The following HM13 variants were observed in gnomAD, a reference collection of about 807,000 sequenced individuals.
HM13 encodes the protein signal peptide peptidase.
A neutral mutation model predicts 50.0 loss-of-function variants in HM13; 18 were observed. That is an observed-to-expected ratio of 0.36 (90% CI 0.25 to 0.53). HM13 has a LOEUF of 0.53. HM13 is among the 20% of genes least tolerant of loss of function. The pLI, the probability that HM13 is intolerant of heterozygous loss-of-function variation, is 0.90. For synonymous variants in HM13, 197 were observed against 232.6 expected, an observed-to-expected ratio of 0.85 and a Z score of 1.39; for missense variants, 393 against 552.4, an observed-to-expected ratio of 0.71 and a Z score of 2.89.
In HM13 at chr20:31,569,164, C is replaced by A; in HGVS notation, c.1226C>A (p.Ser409Tyr). The change falls in exon 13 of 13, where the codon TCC becomes TAC. Residue 409 changes from serine to tyrosine, a missense_variant. Coordinates refer to ENST00000398174, the MANE Select transcript of HM13 (RefSeq NM_178581.3). ...AAGGATCCAGCGGCAGTGACAGAAT[C>A]CAAAGAGGGAACAGAGGCATCAGCA... is the stretch of plus-strand genomic sequence containing the variant. ...NPKDPAAVTE[S>Y]KEGTEASASK... The A allele has an allele frequency of 1.3e-6, 2 of 1,584,802 alleles. No homozygotes were observed. Among genetic ancestry groups the A allele is most frequent in the South Asian group, 1.1e-5 (1 of 89,240 alleles).
At chr20:31,518,595 G>A (rs1036658117) in intron 1 of HM13, among the ~76,000 whole-genome samples, 6 of 151,646 alleles carry the variant, frequency 4.0e-5, no homozygotes, top group Non-Finnish European at 5.9e-5. Flanking sequence ...GCAATGAGCC[G>A]AGATCATGCC....
chr20:31,515,962 C>T (rs1014666601), intron 1 of HM13, among the ~76,000 whole-genome samples: 3 of 152,178 alleles, frequency 2.0e-5, no homozygotes, highest in Admixed American at 6.6e-5. Context: ...CAAAACACTA[C>T]CCAACTTGAG....
At chr20:31,552,496 T>C (rs1344430429) in intron 7 of HM13, among the ~76,000 whole-genome samples, 1 of 152,154 alleles carries the variant, frequency 6.6e-6, no homozygotes, top group Admixed American at 6.5e-5. Context: ...TCATATTTGG[T>C]TTCTGATACT....
Position 31,566,306 on chromosome 20 carries a change from G to C in HM13, c.1034+11G>C, listed in dbSNP as rs367928197. 1 of 1,610,246 alleles carries C rather than the reference G, an allele frequency of 6.2e-7. No homozygotes were observed. The highest frequency in any genetic ancestry group is 1.3e-5 in the African/African-American group (1 of 74,836). ...GACAGAGATGTTCAGGTAAGGCAGA[G>C]TGGGGGGCAGATGTCCTCATGGGCA... On this transcript the variant is annotated intron_variant, in intron 11 of 12. Transcript: ENST00000398174.
intron 2 of HM13, among the ~76,000 whole-genome samples, chr20:31,535,912 G>T (rs575734938): frequency 2.8e-4 from 43 of 152,284 alleles, no homozygotes; most frequent in Middle Eastern, 3.4e-3. Flanking sequence ...AACCAGCTCA[G>T]GGTGAACCTA....
intron 4 of HM13, chr20:31,548,170 C>G: frequency 1.3e-6 from 1 of 744,458 alleles, no homozygotes; most frequent in South Asian, 1.6e-5. Flanking sequence ...ATAAGTTTAA[C>G]AGATACTTTA....
In HM13 at chr20:31,558,912, GTTGTT is replaced by G. The variant is rs1027711943; in HGVS notation, c.809-681_809-677del. Among the ~76,000 whole-genome samples the G allele has an allele frequency of 4.9e-4, 74 of 151,768 alleles. 1 individual carries two copies. Among genetic ancestry groups the G allele is most frequent in the African/African-American group, 1.5e-3 (63 of 41,378 alleles). ...CTAATTTTTGCTTTTGTTTTTTGTT[GTTGTT>G]TTGTTTTGTTTTGTTTTTTTGAGAC... On this transcript the variant is annotated intron_variant, in intron 8 of 12. Coordinates refer to ENST00000398174, the MANE Select transcript of HM13 (RefSeq NM_178581.3).
At chr20:31,556,476 C>A (rs1984321259) in intron 8 of HM13, among the ~76,000 whole-genome samples, 1 of 152,158 alleles carries the variant, frequency 6.6e-6, no homozygotes, top group African/African-American at 2.4e-5. Flanking sequence ...GTGACAGTTG[C>A]ATTTTGTGAC....
At chr20:31,536,438 C>A (rs953224103) in intron 2 of HM13, among the ~76,000 whole-genome samples, 2 of 152,098 alleles carry the variant, frequency 1.3e-5, no homozygotes, top group African/African-American at 4.8e-5. Context: ...TCCATCCCCC[C>A]AAGCCAGGGC....
At chr20:31,525,434 C>T (rs1982429204) in intron 1 of HM13, among the ~76,000 whole-genome samples, 1 of 152,082 alleles carries the variant, frequency 6.6e-6, no homozygotes, top group African/African-American at 2.4e-5. Flanking sequence ...GAATGTGATC[C>T]CTTCTTCTAG....
rs754117683 is a variant in HM13 at position 31,527,570 on chromosome 20, C to A, written c.270C>A (p.Tyr90Ter). ...CCAGCTGCACACTCTTGGGGCTCTA[C>A]CTCTTTTTCAAAGTAAGTCTTTTGC... ...IIASCTLLGL[Y>*]LFFKIFSQEY... Residue 90 changes from tyrosine to a stop codon, truncating the protein, a stop_gained, in exon 2 of 13, where the codon TAC becomes TAA. Transcript: ENST00000398174. LOFTEE classifies it high-confidence loss of function. The A allele has an allele frequency of 6.2e-7, 1 of 1,611,516 alleles. No individual in the cohort carries two copies. The highest frequency in any genetic ancestry group is 1.1e-5 in the South Asian group (1 of 90,756).
intron 9 of HM13, among the ~76,000 whole-genome samples, chr20:31,561,092 A>G (rs1984580964): frequency 6.6e-6 from 1 of 152,248 alleles, no homozygotes. Flanking sequence ...GCATCTAGTT[A>G]GTACCACAAA....
chr20:31,514,815 C>T lies in HM13; in HGVS notation c.183+81C>T, dbSNP rs1449274991. 1.2e-5 allele frequency: 15 copies of T among 1,270,908 alleles called. No individual in the cohort carries two copies. Among genetic ancestry groups the T allele is most frequent in the South Asian group, 1.5e-5 (1 of 66,908 alleles). 78.7% of individuals were successfully genotyped at this position (1,270,908 alleles called of 1,614,324 possible). A position where few individuals can be genotyped will look rare whatever the true frequency, so the allele number is the denominator to read the frequency against. Reference sequence around the variant, plus strand: ...ATGGACCCTTCCTAGGCGGGACAGACACCTCTCCCCGGACACTGACTCTTC... The same window carrying T: ...ATGGACCCTTCCTAGGCGGGACAGATACCTCTCCCCGGACACTGACTCTTC... On this transcript the variant is annotated intron_variant, in intron 1 of 12. Coordinates refer to ENST00000398174, the MANE Select transcript of HM13 (RefSeq NM_178581.3). The surrounding 1 kb of genome is among the most constrained non-coding windows in gnomAD (Gnocchi z 4.3).
At chr20:31,544,818 G>A in intron 3 of HM13, 129 bp from the exon 4 acceptor site, 1 of 721,302 alleles carries the variant, frequency 1.4e-6, no homozygotes, top group Admixed American at 2.0e-5. Context: ...CACATCTGTA[G>A]AGTGGGAACA....
At chr20:31,530,121 C>G (rs1193702369) in intron 2 of HM13, among the ~76,000 whole-genome samples, 1 of 152,090 alleles carries the variant, frequency 6.6e-6, no homozygotes, top group African/African-American at 2.4e-5. Flanking sequence ...GAGACCCCAT[C>G]TCATTCATAG....
chr20:31,524,147 G>A (rs563417643), intron 1 of HM13, among the ~76,000 whole-genome samples: 7 of 152,276 alleles, frequency 4.6e-5, no homozygotes, highest in Non-Finnish European at 8.8e-5. Context: ...GGCCAAGGCA[G>A]GAGGATCACT....
chr20:31,569,504 G>T lies in HM13; in HGVS notation c.*285G>T. The T allele has an allele frequency of 3.4e-6, 1 of 294,420 alleles. No homozygotes were observed. Among genetic ancestry groups the T allele is most frequent in the Admixed American group, 4.6e-5 (1 of 21,898 alleles). 18.2% of individuals were successfully genotyped at this position (294,420 alleles called of 1,614,324 possible). ...TGTGATTTTTAGATTTTGTATTGTGGACTGATTTTGCCTCACATTAAAAAC... is the reference window on the plus strand; with the variant it reads ...TGTGATTTTTAGATTTTGTATTGTGTACTGATTTTGCCTCACATTAAAAAC... On this transcript the variant is annotated 3_prime_UTR_variant, in exon 13 of 13. Transcript: ENST00000398174.
At position 31,561,627 on chromosome 20, in the gene HM13, C is replaced by T. The variant is rs368428118; in HGVS notation, c.846-7C>T. On this transcript the variant is annotated splice_polypyrimidine_tract_variant and splice_region_variant and intron_variant, in intron 9 of 12. Transcript: ENST00000398174. The stretch of plus-strand genomic sequence containing the variant: ...CCTCCTCCTCTTTCTTCACACCTTC[C>T]CTGCAGCTTGAAGAAGAATACCCAC... 15 of 1,592,456 alleles carry T rather than the reference C, an allele frequency of 9.4e-6. No individual in the cohort carries two copies. The African/African-American group carries it at 1.6e-4, about 17-fold the overall frequency.
intron 10 of HM13, chr20:31,564,186 C>T (rs890398877): frequency 6.6e-6 from 1 of 152,174 alleles, no homozygotes; most frequent in Admixed American, 6.6e-5. Flanking sequence ...TGAGTATTTA[C>T]CAGGCCCTCT....
Sources: gnomAD v4.1 joint callset for allele counts (sites outside exome capture counted in the v4.1 genomes callset) on GRCh38, gnomAD v4.1.1 for gene constraint, Gnocchi (gnomAD v3.1) non-coding constraint, MANE v1.5 for transcripts, NCBI Gene and HGNC (gene_info 2026-07-23, HGNC 2026-07-21) for gene names.